NOL4L: variants seen among roughly 807,000 people sequenced by gnomAD.
NOL4L encodes nucleolar protein 4 like.
In NOL4L, 7 loss-of-function variants were observed where a neutral mutation model predicts 64.5. The observed-to-expected ratio is 0.11, with a 90% CI of 0.06 to 0.20. The LOEUF is 0.20. NOL4L is among the 10% of genes least tolerant of loss of function. The pLI is 1.00. For missense variants in NOL4L, 680 were observed against 967.1 expected, an observed-to-expected ratio of 0.70 and a Z score of 3.94; for synonymous variants, 413 against 401.0, an observed-to-expected ratio of 1.03 and a Z score of -0.36.
chr20:32,480,335 GGT>G (rs996700978), intron 4 of NOL4L, among the ~76,000 whole-genome samples: 1 of 152,200 alleles, frequency 6.6e-6, no homozygotes, highest in Non-Finnish European at 1.5e-5. Flanking sequence ...AGGAGCCCTG[GGT>G]GTGTGTTTCA....
At chr20:32,528,502 C>G (rs1205216146) in intron 1 of NOL4L, among the ~76,000 whole-genome samples, 1 of 152,188 alleles carries the variant, frequency 6.6e-6, no homozygotes, top group South Asian at 2.1e-4. Context: ...ATAACAGGCA[C>G]GAGGCCACGA....
chr20:32,459,917 T>C (rs962046272), intron 5 of NOL4L, among the ~76,000 whole-genome samples: 3 of 152,142 alleles, frequency 2.0e-5, no homozygotes, highest in Admixed American at 2.0e-4. Flanking sequence ...TATCCAGCCA[T>C]GAAAATGAAT....
intron 3 of NOL4L, among the ~76,000 whole-genome samples, chr20:32,513,693 G>A (rs951696066): frequency 5.9e-5 from 9 of 152,008 alleles, no homozygotes; most frequent in African/African-American, 7.3e-5. Flanking sequence ...TGAGTCCCTC[G>A]TCTCTACTAA....
chr20:32,464,982 G>A lies in NOL4L; in HGVS notation c.842-8587C>T, dbSNP rs113794459. The A allele has an allele frequency of 1.5e-3, 878 of 577,192 alleles. 7 individuals are homozygous for A. Among genetic ancestry groups the A allele is most frequent in the African/African-American group, 0.015 (749 of 50,688 alleles). 35.8% of individuals were successfully genotyped at this position (577,192 alleles called of 1,614,324 possible). A position where few individuals can be genotyped will look rare whatever the true frequency, so the allele number is the denominator to read the frequency against. On this transcript the variant is annotated intron_variant, in intron 5 of 10. Coordinates refer to ENST00000621426, the MANE Select transcript of NOL4L (RefSeq NM_001256798.2). The surrounding 1 kb of genome is among the most constrained non-coding windows in gnomAD (Gnocchi z 5.6). Reference sequence around the variant, plus strand: ...GCCGTCCTTGGCTAATGAATTAGACGTCACACACCTAGATCTTCCCCTAAA... The same window carrying A: ...GCCGTCCTTGGCTAATGAATTAGACATCACACACCTAGATCTTCCCCTAAA...
chr20:32,584,824 G>C lies in NOL4L; in HGVS notation c.67C>G (p.Leu23Val). 1 of 1,515,692 alleles carries C rather than the reference G, an allele frequency of 6.6e-7. No individual in the cohort carries two copies. The highest frequency in any genetic ancestry group is 8.8e-7 in the Non-Finnish European group (1 of 1,135,084). The allele number at this position is 1,515,692 out of a possible 1,614,324, so 93.9% of individuals were successfully genotyped here. A position where few individuals can be genotyped will look rare whatever the true frequency, so the allele number is the denominator to read the frequency against. Residue 23 changes from leucine (L) to valine (V), a missense_variant, in exon 1 of 11, where the codon CTG becomes GTG. This residue lies in a region of NOL4L where 181 missense variants were observed against 335.2 expected (regional missense o/e 0.54). Coordinates refer to ENST00000621426, the MANE Select transcript of NOL4L (RefSeq NM_001256798.2). ...ERERSPGDSE[L>V]GRQFRDWCLR... ...CACCAGTCCCGGAACTGGCGGCCCA[G>C]CTCCGAGTCCCCGGGGCTGCGCTCG...
intron 4 of NOL4L, chr20:32,509,633 T>A (rs2017302761): frequency 2.3e-6 from 1 of 439,896 alleles, no homozygotes; most frequent in Admixed American, 6.4e-5. Flanking sequence ...GTGGAATGAC[T>A]GAATCCTCGT....
chr20:32,447,673 C>T lies in NOL4L; in HGVS notation c.1966G>A (p.Ala656Thr), dbSNP rs756621752. The change falls in exon 11 of 11, where the codon GCG (alanine) becomes ACG (threonine). Residue 656 changes from alanine to threonine, a missense_variant. Transcript: ENST00000621426. The part of the protein sequence containing the change: ...TEISAVRQLI[A>T]GYRESAAFLL... ...AAGGCAGCAGACTCCCGGTAGCCCG[C>T]GATGAGCTGCCGCACGGCGCTGATC... The T allele has an allele frequency of 6.2e-6, 10 of 1,612,018 alleles. No homozygotes were observed. Among genetic ancestry groups the T allele is most frequent in the South Asian group, 2.2e-5 (2 of 91,006 alleles).
intron 5 of NOL4L, among the ~76,000 whole-genome samples, chr20:32,473,150 G>T (rs1183354593): frequency 6.6e-6 from 1 of 152,158 alleles, no homozygotes; most frequent in Non-Finnish European, 1.5e-5. Flanking sequence ...GAATGAGTAG[G>T]GGGACCATGG....
intron 4 of NOL4L, among the ~76,000 whole-genome samples, chr20:32,488,753 T>G (rs1454440850): frequency 2.0e-5 from 1 of 50,548 alleles, no homozygotes; most frequent in Non-Finnish European, 3.3e-5. Flanking sequence ...TTCTTTTCCT[T>G]CCTTCCTTCC....
At chr20:32,568,078 A>G (rs892927304) in intron 1 of NOL4L, among the ~76,000 whole-genome samples, 2 of 151,880 alleles carry the variant, frequency 1.3e-5, no homozygotes, top group African/African-American at 4.8e-5. Context: ...CACCATTAAT[A>G]CCACTATTGT....
chr20:32,453,385 A>G lies in NOL4L; in HGVS notation c.1416T>C (p.Pro472=). ...GCTTGCGGGCCCGCTCCTGGAACTC[A>G]GGGAACTGCCGGCTGCAGGACTCGA... is the stretch of plus-strand genomic sequence containing the variant. ...AIIESCSRQF[P]EFQERARKRI... is the part of the protein sequence containing the mutation. Residue 472 remains proline, a synonymous_variant, in exon 8 of 11, where the codon CCT becomes CCC. Transcript: ENST00000621426. The surrounding 1 kb of genome is among the most constrained non-coding windows in gnomAD (Gnocchi z 5.6). 6.2e-7 allele frequency: 1 copy of G among 1,614,106 alleles called. No homozygotes were observed. The highest frequency in any genetic ancestry group is 8.5e-7 in the Non-Finnish European group (1 of 1,180,018).
chr20:32,483,046 C>A (rs1210528080), intron 4 of NOL4L, among the ~76,000 whole-genome samples: 1 of 150,386 alleles, frequency 6.6e-6, no homozygotes, highest in Non-Finnish European at 1.5e-5. Flanking sequence ...CGACCCTGGG[C>A]GCTCAGGGCC....
rs115905663 is a variant in NOL4L, at chr20:32,463,247, C to A, written c.842-6852G>T. Among the ~76,000 whole-genome samples, 1,673 of 152,302 alleles carry A rather than the reference C, an allele frequency of 0.011. 39 individuals carry two copies. Among genetic ancestry groups the A allele is most frequent in the African/African-American group, 0.038 (1,600 of 41,560 alleles). ...CTGGATGGACCCTCCACACCTGGAG[C>A]TGGAAGTGGAACCTAAGGGTGCCCA... On this transcript the variant is annotated intron_variant, in intron 5 of 10. Transcript: ENST00000621426. This position sits in a 1 kb window ranked among gnomAD's most constrained non-coding sequence, Gnocchi z 5.8.
chr20:32,462,911 A>AAAAAAAAAAAAAC (rs1568611809), intron 5 of NOL4L, among the ~76,000 whole-genome samples: 1 of 150,360 alleles, frequency 6.7e-6, no homozygotes, highest in African/African-American at 2.4e-5. Context: ...CTTAAAAAAA[A>AAAAAAAAAAAAAC]AAAAAAAAAA....
chr20:32,563,891 C>A (rs764065590), intron 1 of NOL4L, among the ~76,000 whole-genome samples: 2 of 152,228 alleles, frequency 1.3e-5, no homozygotes, highest in Admixed American at 6.5e-5. Context: ...GGTCACTGGG[C>A]CCTAAGCGTA....
chr20:32,554,904 C>T (rs1445959020), intron 1 of NOL4L, among the ~76,000 whole-genome samples: 2 of 152,188 alleles, frequency 1.3e-5, no homozygotes, highest in East Asian at 3.9e-4. Flanking sequence ...CACATTCCAG[C>T]TCCCAGCCCC....
chr20:32,524,350 T>C, intron 2 of NOL4L, among the ~76,000 whole-genome samples: 1 of 152,150 alleles, frequency 6.6e-6, no homozygotes, highest in Admixed American at 6.6e-5. Flanking sequence ...CCATTGCACA[T>C]GGCCATCTAA....
intron 5 of NOL4L, among the ~76,000 whole-genome samples, chr20:32,468,226 C>T (rs1367701107): frequency 6.6e-6 from 1 of 152,138 alleles, no homozygotes; most frequent in Non-Finnish European, 1.5e-5. Context: ...ATATTGGGCC[C>T]GACCACTCCA....
intron 1 of NOL4L, among the ~76,000 whole-genome samples, chr20:32,547,764 C>T (rs549896782): frequency 1.3e-5 from 2 of 152,280 alleles, no homozygotes; most frequent in East Asian, 3.9e-4. Context: ...AAACTCATGC[C>T]TGGATTTGAG....
Sources: allele counts gnomAD v4.1 joint callset (sites outside exome capture counted in the v4.1 genomes callset), GRCh38; gene constraint gnomAD v4.1.1; regional missense constraint gnomAD v4.1.1; non-coding constraint Gnocchi (gnomAD v3.1); transcripts MANE v1.5; gene names NCBI Gene and HGNC (gene_info 2026-07-23, HGNC 2026-07-21).